DPP10: variants seen among roughly 807,000 people sequenced by gnomAD.
The protein encoded by DPP10 is dipeptidyl peptidase like 10.
Under a neutral mutation model 120.9 loss-of-function variants are expected in DPP10, and 33 were observed. The observed-to-expected ratio is 0.27, with a 90% CI of 0.21 to 0.37. DPP10 has a LOEUF of 0.37. DPP10 is among the 10% of genes least tolerant of loss of function. The pLI is 1.00. For missense variants in DPP10, 816 were observed against 942.8 expected, an observed-to-expected ratio of 0.87 and a Z score of 1.76; for synonymous variants, 337 against 326.1, an observed-to-expected ratio of 1.03 and a Z score of -0.36.
chr2:115,609,087 G>C (rs2083903670), intron 5 of DPP10, among the ~76,000 whole-genome samples: 1 of 151,980 alleles, frequency 6.6e-6, no homozygotes, highest in Admixed American at 6.6e-5. Context: ...CCCAAATGTA[G>C]AAAATAAACT....
intron 1 of DPP10, among the ~76,000 whole-genome samples, chr2:115,094,158 A>G (rs1482352560): frequency 2.0e-5 from 3 of 152,116 alleles, no homozygotes; most frequent in African/African-American, 7.2e-5. Context: ...ACATTCATAT[A>G]GTAGGTTTAA....
At chr2:115,278,795 C>T (rs2105858573) in intron 1 of DPP10, among the ~76,000 whole-genome samples, 1 of 152,176 alleles carries the variant, frequency 6.6e-6, no homozygotes, top group African/African-American at 2.4e-5. Context: ...CCACTAGGCC[C>T]CACCTCCAAT....
At chr2:115,289,503 A>AAAAAAAAAAAAAAAAAAAT (rs70941042) in intron 1 of DPP10, among the ~76,000 whole-genome samples, 8 of 96,252 alleles carry the variant, frequency 8.3e-5, no homozygotes, top group Non-Finnish European at 1.4e-4. Context: ...AAAAAAAAAA[A>AAAAAAAAAAAAAAAAAAAT]AGGAAGAAAA....
intron 25 of DPP10, among the ~76,000 whole-genome samples, chr2:115,841,325 C>A (rs1488960108): frequency 6.6e-6 from 1 of 152,022 alleles, no homozygotes. Flanking sequence ...TTTGCACTAC[C>A]ATTTATGTCT....
chr2:115,736,878 C>T (rs1363760847), intron 8 of DPP10, among the ~76,000 whole-genome samples: 1 of 152,102 alleles, frequency 6.6e-6, no homozygotes, highest in Non-Finnish European at 1.5e-5. Context: ...CCTAAACCTC[C>T]CTGTCACTAG....
At chr2:115,335,979 G>C in intron 2 of DPP10, among the ~76,000 whole-genome samples, 1 of 151,970 alleles carries the variant, frequency 6.6e-6, no homozygotes, top group East Asian at 1.9e-4. Flanking sequence ...TTCTATTTCT[G>C]TTTTAATAGG....
chr2:114,938,269 T>C (rs1696632783), intron 1 of DPP10, among the ~76,000 whole-genome samples: 1 of 152,186 alleles, frequency 6.6e-6, no homozygotes, highest in African/African-American at 2.4e-5. Context: ...TTCTAAAATA[T>C]GATATTAAGG....
chr2:115,223,655 G>A (rs1026499432), intron 1 of DPP10, among the ~76,000 whole-genome samples: 2 of 152,016 alleles, frequency 1.3e-5, no homozygotes, highest in Admixed American at 6.6e-5. Flanking sequence ...ACGAGTAAAC[G>A]AAAATGCAGT....
chr2:115,323,992 A>C (rs1030562026), intron 2 of DPP10, among the ~76,000 whole-genome samples: 2 of 152,190 alleles, frequency 1.3e-5, no homozygotes, highest in Non-Finnish European at 2.9e-5. Context: ...TTAGCCCCTA[A>C]TAGGAGAGTC....
At chr2:114,687,845 C>T (rs1442528675) in intron 1 of DPP10, among the ~76,000 whole-genome samples, 1 of 152,008 alleles carries the variant, frequency 6.6e-6, no homozygotes, top group Non-Finnish European at 1.5e-5. Context: ...CCTACAACCT[C>T]ACCTGGTGAC....
chr2:115,060,516 T>G, intron 1 of DPP10, among the ~76,000 whole-genome samples: 1 of 152,256 alleles, frequency 6.6e-6, no homozygotes, highest in East Asian at 1.9e-4. Context: ...CCCTTGAGCC[T>G]GGAACTTCGA....
At position 115,642,662 on chromosome 2, in the gene DPP10, A is replaced by C. The variant is rs546303114; in HGVS notation, c.442-47025A>C. The stretch of plus-strand genomic sequence containing the variant: ...CCCTCTCTCCTTTCCCTATCTCTCT[A>C]TCTCTCTCTCTCCCTCTCAGTATCT... On this transcript the variant is annotated intron_variant, in intron 5 of 25. Coordinates refer to ENST00000410059, the MANE Select transcript of DPP10 (RefSeq NM_020868.6). Among the ~76,000 whole-genome samples the C allele has an allele frequency of 5.2e-4, 78 of 150,348 alleles. 1 individual carries two copies. The highest frequency in any genetic ancestry group is 1.7e-3 in the African/African-American group (71 of 40,904).
intron 1 of DPP10, among the ~76,000 whole-genome samples, chr2:114,960,168 TGCTA>T (rs1455554855): frequency 3.3e-5 from 5 of 152,150 alleles, no homozygotes; most frequent in Non-Finnish European, 7.4e-5. Context: ...CAAACCCATT[TGCTA>T]GCTGATATTT....
chr2:114,895,193 G>A (rs750497602), intron 1 of DPP10, among the ~76,000 whole-genome samples: 6 of 151,612 alleles, frequency 4.0e-5, no homozygotes, highest in South Asian at 2.1e-4. Flanking sequence ...ACAACTATGA[G>A]TATTTTGCAT....
At chr2:114,563,081 C>T (rs1835331) in intron 1 of DPP10, among the ~76,000 whole-genome samples, 151,251 of 152,384 alleles carry the variant, frequency 0.99, 75,073 homozygotes, top group East Asian at 1. Context: ...ATATTAAGAA[C>T]ACATAAAACT....
intron 1 of DPP10, among the ~76,000 whole-genome samples, chr2:114,863,944 A>G (rs935524391): frequency 1.3e-5 from 2 of 152,068 alleles, no homozygotes; most frequent in Non-Finnish European, 2.9e-5. Flanking sequence ...GGCTGCTAAC[A>G]TGTCTTCTGG....
At chr2:115,004,332 C>A (rs183936160) in intron 1 of DPP10, among the ~76,000 whole-genome samples, 39 of 151,714 alleles carry the variant, frequency 2.6e-4, no homozygotes, top group Non-Finnish European at 3.4e-4. Context: ...ATGTTATTAG[C>A]ATATAGAAAA....
intron 1 of DPP10, among the ~76,000 whole-genome samples, chr2:114,564,134 TAATGATATTCTAATGGTATTCA>T (rs1269062839): frequency 2.0e-5 from 3 of 152,180 alleles, no homozygotes; most frequent in Non-Finnish European, 4.4e-5. Context: ...AGAGGTATTC[TAATGATATTCTAATGGTATTCA>T]AATGATATTC....
chr2:115,679,027 G>A (rs1448645286), intron 5 of DPP10, among the ~76,000 whole-genome samples: 2 of 152,298 alleles, frequency 1.3e-5, no homozygotes, highest in African/African-American at 4.8e-5. Context: ...TATCTAGGAA[G>A]TAACTAATTT....
Sources: allele counts gnomAD v4.1 joint callset (sites outside exome capture counted in the v4.1 genomes callset), GRCh38; gene constraint gnomAD v4.1.1; transcripts MANE v1.5; gene names NCBI Gene and HGNC (gene_info 2026-07-23, HGNC 2026-07-21).